The following EPHX2 variants were observed in gnomAD, a reference collection of about 807,000 sequenced individuals.
The protein encoded by EPHX2 is bifunctional epoxide hydrolase 2.
A neutral mutation model predicts 78.7 loss-of-function variants in EPHX2; 74 were observed. The observed-to-expected ratio is 0.94, with a 90% CI of 0.78 to 1.14. The LOEUF (loss-of-function observed/expected upper bound fraction) is 1.14, where lower values mean the gene tolerates loss of function less well. EPHX2 is among the 50% of genes most tolerant of loss of function. The pLI, the probability that EPHX2 is intolerant of heterozygous loss-of-function variation, is 0.00. For synonymous variants in EPHX2, 251 were observed against 255.2 expected (o/e 0.98, Z 0.16); for missense variants, 715 against 702.5 (o/e 1.02, Z -0.20).
chr8:27,515,577 TG>T (rs1413745729), intron 6 of EPHX2, 140 bp from the exon 7 acceptor site: 4 of 666,024 alleles, frequency 6.0e-6, no homozygotes, highest in African/African-American at 1.8e-5. Context: ...CATGTAACAC[TG>T]GGGTCTTTCA....
At chr8:27,546,698 C>G (rs1224439256), downstream of EPHX2, among the ~76,000 whole-genome samples, 2 of 152,172 alleles carry the variant, frequency 1.3e-5, no homozygotes, top group Non-Finnish European at 2.9e-5. Flanking sequence ...CATCAGCCAT[C>G]AAAAAGGCCT....
At chr8:27,528,086 C>A (rs1372841246) in intron 12 of EPHX2, among the ~76,000 whole-genome samples, 3 of 152,084 alleles carry the variant, frequency 2.0e-5, no homozygotes, top group Non-Finnish European at 2.9e-5. Context: ...AGGATAGGCT[C>A]AAAATCCTGA....
chr8:27,527,418 C>T (rs1814888588), intron 12 of EPHX2, among the ~76,000 whole-genome samples: 1 of 152,164 alleles, frequency 6.6e-6, no homozygotes, highest in African/African-American at 2.4e-5. Context: ...ACCATGTCAC[C>T]TATTTGTAAG....
chr8:27,493,881 G>A (rs531263395), intron 1 of EPHX2, among the ~76,000 whole-genome samples: 1 of 152,288 alleles, frequency 6.6e-6, no homozygotes, highest in South Asian at 2.1e-4. Context: ...CAGACTGAGT[G>A]GCTCCCTGTG....
At chr8:27,494,590 G>T (rs1426113810) in intron 1 of EPHX2, among the ~76,000 whole-genome samples, 1 of 152,228 alleles carries the variant, frequency 6.6e-6, no homozygotes, top group Non-Finnish European at 1.5e-5. Flanking sequence ...TATGGGCGAA[G>T]TCTAACTGCC....
chr8:27,497,338 G>A (rs1813608185), intron 1 of EPHX2, among the ~76,000 whole-genome samples: 1 of 152,198 alleles, frequency 6.6e-6, no homozygotes, highest in African/African-American at 2.4e-5. Flanking sequence ...TGAGGGGGCA[G>A]CTTGTTTCTT....
intron 2 of EPHX2, among the ~76,000 whole-genome samples, chr8:27,502,737 C>T (rs1433132593): frequency 1.3e-5 from 2 of 152,162 alleles, no homozygotes; most frequent in South Asian, 2.1e-4. Flanking sequence ...TGTCTATGTC[C>T]TCATCTCCTC....
At chr8:27,518,730 C>G (rs540051503) in intron 9 of EPHX2, among the ~76,000 whole-genome samples, 1 of 152,248 alleles carries the variant, frequency 6.6e-6, no homozygotes, top group Non-Finnish European at 1.5e-5. Flanking sequence ...GGGGCTTCTC[C>G]CCCTCATGTG....
At chr8:27,522,343 G>A in intron 10 of EPHX2, 80 bp from the exon 11 acceptor site, 3 of 1,412,592 alleles carry the variant, frequency 2.1e-6, no homozygotes, top group Non-Finnish European at 3.0e-6. Context: ...GGTGTCGAGG[G>A]GCTGGCTGAT....
chr8:27,544,990 C>T lies in EPHX2; in HGVS notation c.*468C>T. The stretch of plus-strand genomic sequence containing the variant: ...GAGAATGCACGGCATGGGGATGAAC[C>T]CTTTCCCTCTGCTTTTGAGCCCTGT... On this transcript the variant is annotated 3_prime_UTR_variant, in exon 19 of 19. Transcript: ENST00000521400. 5.8e-6 allele frequency: 1 copy of T among 173,758 alleles called. No individual in the cohort carries two copies. 10.8% of individuals were successfully genotyped at this position (173,758 alleles called of 1,614,324 possible). A position where few individuals can be genotyped will look rare whatever the true frequency, so the allele number is the denominator to read the frequency against.
intron 12 of EPHX2, among the ~76,000 whole-genome samples, chr8:27,527,735 A>T (rs1402704983): frequency 6.6e-6 from 1 of 152,146 alleles, no homozygotes; most frequent in Admixed American, 6.5e-5. Context: ...CTTCCTTTTT[A>T]AGGCTGAATA....
intron 6 of EPHX2, among the ~76,000 whole-genome samples, chr8:27,512,282 A>G (rs1056988692): frequency 2.5e-4 from 38 of 152,192 alleles, no homozygotes; most frequent in African/African-American, 8.4e-4. Context: ...CCCCCATAGA[A>G]CAGCAGGCTA....
intron 16 of EPHX2, among the ~76,000 whole-genome samples, chr8:27,543,541 A>G (rs567510580): frequency 3.0e-4 from 45 of 152,206 alleles, no homozygotes; most frequent in African/African-American, 1.1e-3. Context: ...ACTCACACAC[A>G]TCTGCACACA....
At chr8:27,530,974 G>T (rs1815020728) in intron 12 of EPHX2, among the ~76,000 whole-genome samples, 1 of 151,952 alleles carries the variant, frequency 6.6e-6, no homozygotes, top group Non-Finnish European at 1.5e-5. Context: ...TGTTGGTCAG[G>T]CTGGTCTCGA....
intron 7 of EPHX2, 59 bp from the exon 8 acceptor site, chr8:27,516,261 A>G (rs975126160): frequency 6.7e-7 from 1 of 1,482,006 alleles, no homozygotes; most frequent in African/African-American, 1.4e-5. Context: ...GGAAGCAAAG[A>G]GGGAGTATCC....
chr8:27,527,525 G>A (rs577124749), intron 12 of EPHX2, among the ~76,000 whole-genome samples: 9 of 152,078 alleles, frequency 5.9e-5, no homozygotes, highest in South Asian at 2.1e-4. Context: ...GAAGCCCTTC[G>A]CCCATTAAAC....
At chr8:27,520,987 G>C (rs1814625494) in intron 10 of EPHX2, 78 bp downstream of exon 10, 2 of 1,585,430 alleles carry the variant, frequency 1.3e-6, no homozygotes, top group Non-Finnish European at 8.7e-7. Flanking sequence ...CGTCAGCCTC[G>C]AGCAGAGGTG....
At chr8:27,505,424 C>T (rs755812712) in intron 4 of EPHX2, among the ~76,000 whole-genome samples, 19 of 152,262 alleles carry the variant, frequency 1.2e-4, no homozygotes, top group Non-Finnish European at 2.5e-4. Context: ...CCTCAGTTTA[C>T]TTACAAAGAA....
At chr8:27,503,121 C>T (rs946297327) in intron 2 of EPHX2, among the ~76,000 whole-genome samples, 6 of 152,146 alleles carry the variant, frequency 3.9e-5, no homozygotes, top group African/African-American at 1.4e-4. Context: ...AGCTATCGAG[C>T]CCCTTCTACC....
Sources: allele counts gnomAD v4.1 joint callset (sites outside exome capture counted in the v4.1 genomes callset), GRCh38; gene constraint gnomAD v4.1.1; transcripts MANE v1.5; gene names NCBI Gene and HGNC (gene_info 2026-07-23, HGNC 2026-07-21).